The following TENM1 variants were observed in gnomAD, a reference collection of about 807,000 sequenced individuals.
The protein encoded by TENM1 is teneurin transmembrane protein 1.
A neutral mutation model predicts 174.8 loss-of-function variants in TENM1; 35 were observed. That is an observed-to-expected ratio of 0.20 (90% CI 0.15 to 0.27). The LOEUF is 0.27. Among genes scored for constraint, TENM1 ranks in the 10% least tolerant of loss-of-function variants. TENM1 has a pLI of 1.00. For synonymous variants in TENM1, 781 were observed against 798.7 expected (o/e 0.98, Z 0.37); for missense variants, 1,633 against 2,130.1 (o/e 0.77, Z 4.59).
intron 23 of TENM1, among the ~76,000 whole-genome samples, chrX:124,444,490 T>A (rs762189091): frequency 8.9e-6 from 1 of 112,290 alleles, no homozygotes; most frequent in Admixed American, 9.4e-5. Flanking sequence ...TTTGCAAAAG[T>A]GCCTTTGAGG....
intron 10 of TENM1, among the ~76,000 whole-genome samples, chrX:124,644,246 C>T (rs1294886770): frequency 6.9e-5 from 7 of 101,485 alleles, no homozygotes; most frequent in African/African-American, 2.6e-4. Context: ...AATCATCACA[C>T]CAAAATTCTA....
intron 23 of TENM1, among the ~76,000 whole-genome samples, chrX:124,447,917 T>C: frequency 8.9e-6 from 1 of 111,848 alleles, no homozygotes; most frequent in East Asian, 2.8e-4. Flanking sequence ...CTCTAATCTG[T>C]AGTTAGACCT....
intron 3 of TENM1, among the ~76,000 whole-genome samples, chrX:124,806,031 G>A (rs970623277): frequency 3.6e-5 from 4 of 111,137 alleles, no homozygotes; most frequent in African/African-American, 9.8e-5. Context: ...ACTATTTTAA[G>A]GAAGCTCAGC....
At chrX:124,483,640 T>C (rs1011423221) in intron 21 of TENM1, among the ~76,000 whole-genome samples, 1 of 112,720 alleles carries the variant, frequency 8.9e-6, no homozygotes, top group Admixed American at 9.4e-5. Context: ...CATTTCAGTA[T>C]TGTGTATTTG....
chrX:124,620,758 G>A (rs767434864), intron 11 of TENM1, among the ~76,000 whole-genome samples: 1 of 112,038 alleles, frequency 8.9e-6, no homozygotes, highest in African/African-American at 3.2e-5. Context: ...GCACACAGTA[G>A]GGGCTTAATA....
chrX:124,454,728 T>C (rs1304033944), intron 22 of TENM1, among the ~76,000 whole-genome samples: 2 of 111,939 alleles, frequency 1.8e-5, no homozygotes, highest in Non-Finnish European at 3.8e-5. Context: ...TATGAAGTAA[T>C]ACATATAAAA....
At chrX:124,557,867 T>C (rs1206340090) in intron 14 of TENM1, among the ~76,000 whole-genome samples, 1 of 111,925 alleles carries the variant, frequency 8.9e-6, no homozygotes, top group Non-Finnish European at 1.9e-5. Context: ...CATATGTGCA[T>C]GTAATGTATG....
chrX:124,621,686 C>T (rs1349183175), intron 11 of TENM1, among the ~76,000 whole-genome samples: 6 of 111,841 alleles, frequency 5.4e-5, no homozygotes, highest in Admixed American at 3.8e-4. Flanking sequence ...TATGTTAGTG[C>T]GCAAAAAGTT....
chrX:124,853,564 G>A (rs1165830764), intron 3 of TENM1, among the ~76,000 whole-genome samples: 1 of 110,831 alleles, frequency 9.0e-6, no homozygotes, highest in Admixed American at 9.6e-5. Flanking sequence ...AGGGTGGCAG[G>A]GAATAGAGGG....
At chrX:124,959,849 C>G (rs1257729026) in intron 1 of TENM1, among the ~76,000 whole-genome samples, 1 of 111,415 alleles carries the variant, frequency 9.0e-6, no homozygotes, top group East Asian at 2.8e-4. Flanking sequence ...TCTATCAATT[C>G]GAACACACTT....
intron 5 of TENM1, among the ~76,000 whole-genome samples, chrX:124,699,211 T>C (rs1018826794): frequency 6.3e-5 from 7 of 111,399 alleles, no homozygotes; most frequent in Non-Finnish European, 7.6e-5. Context: ...TGTGAAGTCA[T>C]AGATTTCTTG....
chrX:125,161,377 G>T, the TENM1 span, among the ~76,000 whole-genome samples: 3 of 110,876 alleles, frequency 2.7e-5, no homozygotes, highest in Non-Finnish European at 3.8e-5. Context: ...TATTTTTACT[G>T]TTTTTTTTCT....
intron 22 of TENM1, among the ~76,000 whole-genome samples, chrX:124,473,896 G>T (rs2061361126): frequency 8.9e-6 from 1 of 111,819 alleles, no homozygotes; most frequent in South Asian, 3.8e-4. Context: ...ACTTTAGTTA[G>T]ATGGGCCTTG....
intron 23 of TENM1, among the ~76,000 whole-genome samples, chrX:124,445,171 A>G (rs778726715): frequency 1.8e-5 from 2 of 111,937 alleles, no homozygotes; most frequent in Non-Finnish European, 3.8e-5. Flanking sequence ...TAGAATATAG[A>G]TTAAATTTAT....
chrX:124,442,380 A>G (rs933409261), intron 23 of TENM1, among the ~76,000 whole-genome samples: 2 of 112,120 alleles, frequency 1.8e-5, no homozygotes, highest in African/African-American at 6.5e-5. Context: ...GCTTCACAAA[A>G]CTCACAAGTC....
the TENM1 span, among the ~76,000 whole-genome samples, chrX:125,084,029 G>A: frequency 1.8e-5 from 2 of 111,466 alleles, no homozygotes; most frequent in Non-Finnish European, 3.8e-5. Flanking sequence ...AGCTGTGTGT[G>A]GAAACAGGGT....
chrX:124,502,615 C>T (rs1221013485), intron 19 of TENM1, among the ~76,000 whole-genome samples: 2 of 352 alleles, frequency 5.7e-3, no homozygotes, highest in Non-Finnish European at 0.012. Context: ...CTTTTGACAA[C>T]AGAAAAAAGT....
chrX:125,026,996 TC>T, the TENM1 span, among the ~76,000 whole-genome samples: 1 of 111,719 alleles, frequency 9.0e-6, no homozygotes. Flanking sequence ...TTGGAAGTCT[TC>T]CCATTAAAAT....
At chrX:124,617,617 C>T (rs894431041) in intron 11 of TENM1, among the ~76,000 whole-genome samples, 6 of 112,204 alleles carry the variant, frequency 5.3e-5, no homozygotes. Context: ...GCATTAGGCC[C>T]TTCTAGTTCA....
Sources: allele counts gnomAD v4.1 joint callset (sites outside exome capture counted in the v4.1 genomes callset), GRCh38; gene constraint gnomAD v4.1.1; transcripts MANE v1.5; gene names NCBI Gene and HGNC (gene_info 2026-07-23, HGNC 2026-07-21).